The following CACNA1C variants were observed in gnomAD, a reference collection of about 807,000 sequenced individuals.
CACNA1C encodes calcium voltage-gated channel subunit alpha1 C, also known as voltage-dependent L-type calcium channel subunit alpha-1C.
In CACNA1C, 30 loss-of-function variants were observed where a neutral mutation model predicts 229.0. The observed-to-expected ratio is 0.13, with a 90% confidence interval of 0.10 to 0.18. CACNA1C has a LOEUF of 0.18. CACNA1C is among the 10% of genes least tolerant of loss of function. CACNA1C has a pLI of 1.00. For synonymous variants in CACNA1C, 1,114 were observed against 1,132.5 expected, an observed-to-expected ratio of 0.98 and a Z score of 0.33; for missense variants, 1,658 against 2,845.0, an observed-to-expected ratio of 0.58 and a Z score of 9.49.
At chr12:2,663,007 GAA>G (rs988606785) in intron 34 of CACNA1C, among the ~76,000 whole-genome samples, 4 of 152,140 alleles carry the variant, frequency 2.6e-5, no homozygotes, top group African/African-American at 7.2e-5. Context: ...AGTTATTGCG[GAA>G]AAACAAAACT....
chr12:2,223,199 A>G lies in CACNA1C; in HGVS notation c.477+102769A>G, dbSNP rs140954926. ...GTCTTACTGGGGAGTCACACCTCCAAAAAGAAGCTGTGTGGTGAATGGGTC... is the reference window on the plus strand; with the variant it reads ...GTCTTACTGGGGAGTCACACCTCCAGAAAGAAGCTGTGTGGTGAATGGGTC... On this transcript the variant is annotated intron_variant, in intron 3 of 46. Coordinates refer to ENST00000399655, the MANE Select transcript of CACNA1C (RefSeq NM_000719.7). Among the ~76,000 whole-genome samples, 11 of 152,320 alleles carry G rather than the reference A, an allele frequency of 7.2e-5. No individual in the cohort carries two copies. In the East Asian group the frequency reaches 2.1e-3, roughly 29 times the overall value.
Position 2,215,080 on chromosome 12 carries a change from G to A in CACNA1C, c.477+94650G>A, listed in dbSNP as rs538392987. Among the ~76,000 whole-genome samples the A allele has an allele frequency of 5.3e-5, 8 of 152,216 alleles. No individual in the cohort carries two copies. In the East Asian group the frequency reaches 1.4e-3, roughly 26 times the overall value. On this transcript the variant is annotated intron_variant, in intron 3 of 46. Coordinates refer to ENST00000399655, the MANE Select transcript of CACNA1C (RefSeq NM_000719.7). This position sits in a 1 kb window ranked among gnomAD's most constrained non-coding sequence, Gnocchi z 5.0. ...GGACCTGCATTGCAGCGGGTGTGTC[G>A]GAGGGCTCAGCAAACGTGTGCTGCA... is the stretch of plus-strand genomic sequence containing the variant.
At chr12:2,625,091 C>A (rs1011294644) in intron 29 of CACNA1C, among the ~76,000 whole-genome samples, 2 of 152,102 alleles carry the variant, frequency 1.3e-5, no homozygotes, top group Non-Finnish European at 1.5e-5. Context: ...GACCTTCCCC[C>A]GCTCCCCCCG....
intron 29 of CACNA1C, among the ~76,000 whole-genome samples, chr12:2,629,600 T>C (rs1051174067): frequency 3.9e-5 from 6 of 152,208 alleles, no homozygotes; most frequent in African/African-American, 1.4e-4. Context: ...AGTTAAGTTA[T>C]TTGTTCAAGG....
chr12:2,230,246 G>C (rs1489436545), intron 3 of CACNA1C, among the ~76,000 whole-genome samples: 1 of 152,196 alleles, frequency 6.6e-6, no homozygotes, highest in Non-Finnish European at 1.5e-5. Context: ...CTCGCGGTCA[G>C]AGGTCGGGAA....
chr12:2,509,528 A>G (rs2099778896), intron 8 of CACNA1C, among the ~76,000 whole-genome samples: 1 of 152,142 alleles, frequency 6.6e-6, no homozygotes, highest in African/African-American at 2.4e-5. Context: ...CACCTTATTT[A>G]ATATATATGA....
At chr12:2,211,084 G>A (rs183235098) in intron 3 of CACNA1C, among the ~76,000 whole-genome samples, 1 of 152,338 alleles carries the variant, frequency 6.6e-6, no homozygotes, top group Admixed American at 6.5e-5. Flanking sequence ...TCTTTGTTCT[G>A]TGGTCAAGGA....
At chr12:2,535,224 C>T (rs892708430) in intron 9 of CACNA1C, among the ~76,000 whole-genome samples, 2 of 151,108 alleles carry the variant, frequency 1.3e-5, no homozygotes, top group East Asian at 3.9e-4. Context: ...CCCATCCCTA[C>T]TAAAAATACA....
rs760390307 is a variant in CACNA1C, at chr12:2,593,247, C to T, written c.2565C>T (p.Val855=). ...ATGAGGAGGAGCCAGAGATGCCTGTCGGCCCTCGCCCACGACCACTCTCTG... is the reference window on the plus strand; with the variant it reads ...ATGAGGAGGAGCCAGAGATGCCTGTTGGCCCTCGCCCACGACCACTCTCTG... ...EEDEEEPEMP[V]GPRPRPLSEL... Residue 855 remains valine (V), a synonymous_variant, in exon 19 of 47, where the codon GTC becomes GTT. Coordinates refer to ENST00000399655, the MANE Select transcript of CACNA1C (RefSeq NM_000719.7). 32 of 1,613,536 alleles carry T rather than the reference C, an allele frequency of 2.0e-5. No individual in the cohort carries two copies. Among genetic ancestry groups the T allele is most frequent in the Middle Eastern group, 1.6e-4 (1 of 6,084 alleles).
chr12:2,382,257 G>T (rs1053361183), intron 3 of CACNA1C, among the ~76,000 whole-genome samples: 3 of 152,152 alleles, frequency 2.0e-5, no homozygotes, highest in Non-Finnish European at 4.4e-5. Flanking sequence ...CGTTAAGATG[G>T]TTGCAAATAT....
At chr12:2,041,565 T>C (rs1417897349) in intron 1 of CACNA1C, among the ~76,000 whole-genome samples, 1 of 152,094 alleles carries the variant, frequency 6.6e-6, no homozygotes, top group African/African-American at 2.4e-5. Context: ...CATGAGCCAC[T>C]GCGCCCGGCC....
At chr12:2,122,096 G>T (rs1249729226) in intron 3 of CACNA1C, among the ~76,000 whole-genome samples, 1 of 152,174 alleles carries the variant, frequency 6.6e-6, no homozygotes, top group African/African-American at 2.4e-5. Context: ...ACCTCCTGGA[G>T]GCAGAGGGGC....
chr12:1,996,793 T>C (rs2041033381), intron 1 of CACNA1C, among the ~76,000 whole-genome samples: 4 of 152,154 alleles, frequency 2.6e-5, no homozygotes. Context: ...CAGCAGCCCA[T>C]TCATTGCTCA....
chr12:2,612,944 G>A (rs1166646177), intron 29 of CACNA1C: 1 of 152,244 alleles, frequency 6.6e-6, no homozygotes, highest in Non-Finnish European at 1.5e-5. Flanking sequence ...TGCAGTTACA[G>A]ACTTGAGACA....
chr12:2,533,346 G>T (rs1302358009), intron 9 of CACNA1C, among the ~76,000 whole-genome samples: 1 of 152,182 alleles, frequency 6.6e-6, no homozygotes, highest in Non-Finnish European at 1.5e-5. Context: ...TGGGTGGCTG[G>T]ATAAATGGCT....
chr12:2,379,367 C>T (rs776417993), intron 3 of CACNA1C, among the ~76,000 whole-genome samples: 4 of 152,176 alleles, frequency 2.6e-5, no homozygotes, highest in South Asian at 2.1e-4. Context: ...CTTAAGTAAC[C>T]GTTCATATCC....
At chr12:2,172,191 A>G (rs1038406229) in intron 3 of CACNA1C, among the ~76,000 whole-genome samples, 9 of 152,222 alleles carry the variant, frequency 5.9e-5, no homozygotes, top group African/African-American at 2.2e-4. Context: ...TGAAGCAACC[A>G]GGAGCTTGAG....
At chr12:2,541,031 C>CT (rs1371973515) in intron 9 of CACNA1C, among the ~76,000 whole-genome samples, 6 of 152,168 alleles carry the variant, frequency 3.9e-5, no homozygotes, top group Non-Finnish European at 4.4e-5. Flanking sequence ...TGTCTTGTCT[C>CT]TGAGTCTTCA....
intron 3 of CACNA1C, among the ~76,000 whole-genome samples, chr12:2,219,592 C>T (rs538947684): frequency 8.1e-4 from 124 of 152,186 alleles, no homozygotes; most frequent in Non-Finnish European, 1.6e-3. Context: ...TATCCTTGTC[C>T]AGCTTTTCCT....
Sources: allele counts gnomAD v4.1 joint callset (sites outside exome capture counted in the v4.1 genomes callset), GRCh38; gene constraint gnomAD v4.1.1; non-coding constraint Gnocchi (gnomAD v3.1); transcripts MANE v1.5; gene names NCBI Gene and HGNC (gene_info 2026-07-23, HGNC 2026-07-21).